PDPR: variants seen among roughly 807,000 people sequenced by gnomAD.
The protein encoded by PDPR is pyruvate dehydrogenase phosphatase regulatory subunit.
A neutral mutation model predicts 102.2 loss-of-function variants in PDPR; 50 were observed. The observed-to-expected ratio is 0.49, with a 90% CI of 0.39 to 0.62. The LOEUF is 0.62. Ranked by LOEUF, PDPR falls within the 20% of genes least tolerant of loss-of-function variation. The pLI is 0.00. For synonymous variants in PDPR, 259 were observed against 406.0 expected (o/e 0.64, Z 4.35); for missense variants, 625 against 1,098.2 (o/e 0.57, Z 6.09).
At chr16:70,121,249 C>G (rs1963236005) in intron 3 of PDPR, among the ~76,000 whole-genome samples, 1 of 151,814 alleles carries the variant, frequency 6.6e-6, no homozygotes, top group African/African-American at 2.4e-5. Flanking sequence ...CTGTGCTCGC[C>G]TTCTTTTAGG....
chr16:70,157,299 ATTAG>A lies in PDPR; in HGVS notation c.*423_*426del, dbSNP rs1489017930. ...GGGTTCCATTTTCTTGGAGCAGCCT[ATTAG>A]TTCTGGTGGGGTTGCCGTGTGTCGG... is the stretch of plus-strand genomic sequence containing the variant. On this transcript the variant is annotated 3_prime_UTR_variant, in exon 19 of 19. Transcript: ENST00000288050. The A allele has an allele frequency of 4.6e-6, 2 of 434,896 alleles. No individual in the cohort carries two copies. Among genetic ancestry groups the A allele is most frequent in the Non-Finnish European group, 9.1e-6 (2 of 220,728 alleles). 26.9% of individuals were successfully genotyped at this position (434,896 alleles called of 1,614,324 possible). A position where few individuals can be genotyped will look rare whatever the true frequency, so the allele number is the denominator to read the frequency against.
Position 70,162,262 on chromosome 16 carries a change from T to G in PDPR, c.*5383T>G, listed in dbSNP as rs1220305362. ...TGTAACTACTGTAGAGTCCTGTGAC[T>G]CATCGTTTGTGTTTGTCAATTTGCA... On this transcript the variant is annotated 3_prime_UTR_variant, in exon 19 of 19. Coordinates refer to ENST00000288050, the MANE Select transcript of PDPR (RefSeq NM_017990.5). 5 of 152,676 alleles carry G rather than the reference T, an allele frequency of 3.3e-5. No homozygotes were observed. The highest frequency in any genetic ancestry group is 1.2e-4 in the African/African-American group (5 of 41,482). 9.5% of individuals were successfully genotyped at this position (152,676 alleles called of 1,614,324 possible). A position where few individuals can be genotyped will look rare whatever the true frequency, so the allele number is the denominator to read the frequency against.
At chr16:70,131,926 C>G (rs566138561) in intron 8 of PDPR, 7 of 1,482,954 alleles carry the variant, frequency 4.7e-6, no homozygotes, top group Non-Finnish European at 6.3e-6. Flanking sequence ...AAGGGATAAT[C>G]AGAGAAACAG....
At chr16:70,163,403 A>G (rs1967942282), downstream of PDPR, among the ~76,000 whole-genome samples, 1 of 152,162 alleles carries the variant, frequency 6.6e-6, no homozygotes, top group African/African-American at 2.4e-5. Flanking sequence ...GAAACCTGGG[A>G]CTCACCTGGT....
At chr16:70,113,918 G>T (rs1427772778), upstream of PDPR, 1 of 150,940 alleles carries the variant, frequency 6.6e-6, no homozygotes, top group Non-Finnish European at 1.5e-5. Flanking sequence ...CCCCGGGACT[G>T]CTTGGCTTAG....
chr16:70,145,362 T>G lies in PDPR; in HGVS notation c.1868-772T>G, dbSNP rs566926790. ...CATGTTGGCCAGGCTGGTCTTGAAC[T>G]CTTGACCTCGTGATCCACCTGCTTC... is the stretch of plus-strand genomic sequence containing the variant. On this transcript the variant is annotated intron_variant, in intron 15 of 18. Transcript: ENST00000288050. Among the ~76,000 whole-genome samples the G allele has an allele frequency of 3.8e-4, 58 of 152,362 alleles. No individual in the cohort carries two copies. In the East Asian group the frequency reaches 0.01, roughly 28 times the overall value.
intron 17 of PDPR, among the ~76,000 whole-genome samples, chr16:70,150,509 T>G (rs1261014704): frequency 6.6e-6 from 1 of 151,662 alleles, no homozygotes; most frequent in Non-Finnish European, 1.5e-5. Flanking sequence ...TCATACTACT[T>G]GTAGTGATAG....
At chr16:70,119,838 C>T (rs1963032732) in intron 2 of PDPR, among the ~76,000 whole-genome samples, 1 of 150,784 alleles carries the variant, frequency 6.6e-6, no homozygotes, top group African/African-American at 2.5e-5. Context: ...GGGACTTCCC[C>T]ATTCTTGTTC....
At chr16:70,152,572 G>T (rs370342096) in intron 17 of PDPR, among the ~76,000 whole-genome samples, 52 of 152,384 alleles carry the variant, frequency 3.4e-4, no homozygotes, top group African/African-American at 1.0e-3. Context: ...TTTGGTAGAT[G>T]CCTGTTCAGC....
intron 2 of PDPR, 165 bp from the exon 3 acceptor site, chr16:70,120,296 C>A: frequency 1.8e-6 from 1 of 543,102 alleles, no homozygotes; most frequent in South Asian, 2.0e-5. Flanking sequence ...GTGATCCGCC[C>A]GCCTTGGCCT....
intron 9 of PDPR, among the ~76,000 whole-genome samples, chr16:70,132,658 T>C (rs1181615875): frequency 2.6e-5 from 4 of 150,952 alleles, no homozygotes; most frequent in Admixed American, 1.3e-4. Flanking sequence ...TTTTTTTTTT[T>C]CTTCTTTTTG....
chr16:70,138,038 C>CTTTTTTT (rs200071207), intron 10 of PDPR, among the ~76,000 whole-genome samples: 5 of 118,362 alleles, frequency 4.2e-5, no homozygotes, highest in African/African-American at 1.0e-4. Context: ...ATACCCAGCT[C>CTTTTTTT]TTTTTTTTTT....
intron 18 of PDPR, chr16:70,156,198 C>T (rs1267682822): frequency 8.3e-6 from 4 of 483,830 alleles, no homozygotes; most frequent in East Asian, 3.9e-5. Context: ...TCTTCCTAAA[C>T]GTTTTTGTTC....
At chr16:70,144,828 A>G (rs1227006666) in intron 15 of PDPR, among the ~76,000 whole-genome samples, 9 of 152,284 alleles carry the variant, frequency 5.9e-5, no homozygotes, top group South Asian at 2.1e-4. Context: ...GGTGGCACAC[A>G]CCTGTAATCC....
chr16:70,125,398 A>AAACC (rs56891998), intron 3 of PDPR, among the ~76,000 whole-genome samples: 7,468 of 146,414 alleles, frequency 0.051, 223 homozygotes, highest in African/African-American at 0.18. Flanking sequence ...AAACAAAAAA[A>AAACC]CAAAAATTAG....
intron 3 of PDPR, among the ~76,000 whole-genome samples, chr16:70,125,690 A>G (rs1227551073): frequency 1.2e-4 from 18 of 151,196 alleles, no homozygotes; most frequent in African/African-American, 4.1e-4. Flanking sequence ...GCTGTAGTGC[A>G]GTGGTGCAGC....
At chr16:70,130,149 C>A (rs1220142319) in intron 6 of PDPR, among the ~76,000 whole-genome samples, 29 of 152,236 alleles carry the variant, frequency 1.9e-4, no homozygotes, top group African/African-American at 5.8e-4. Flanking sequence ...TAAAATTAGC[C>A]GGGCATGGTG....
In PDPR at chr16:70,129,835, G is replaced by A. The variant is rs1302617719; in HGVS notation, c.608-588G>A. On this transcript the variant is annotated intron_variant, in intron 6 of 18. Transcript: ENST00000288050. ...GTATGAGCAGGTTAGCACTTAAGGCGCACTATTTACATCCTCTCCTCTCTG... is the reference window on the plus strand; with the variant it reads ...GTATGAGCAGGTTAGCACTTAAGGCACACTATTTACATCCTCTCCTCTCTG... Among the ~76,000 whole-genome samples, 9 of 152,388 alleles carry A rather than the reference G, an allele frequency of 5.9e-5. No individual in the cohort carries two copies. The South Asian group carries it at 8.3e-4, about 14-fold the overall frequency.
Position 70,142,405 on chromosome 16 carries a change from C to T in PDPR, c.1471+16C>T. The T allele has an allele frequency of 1.2e-6, 2 of 1,612,732 alleles. No homozygotes were observed. Among genetic ancestry groups the T allele is most frequent in the Non-Finnish European group, 1.7e-6 (2 of 1,179,688 alleles). On this transcript the variant is annotated intron_variant, in intron 12 of 18. Transcript: ENST00000288050. ...CCCGACAAGGGTAAGAAGTCACATTCTCATTTTTGCTTCTTTTTTTTTTTT... is the reference window on the plus strand; with the variant it reads ...CCCGACAAGGGTAAGAAGTCACATTTTCATTTTTGCTTCTTTTTTTTTTTT...
Sources: allele counts gnomAD v4.1 joint callset (sites outside exome capture counted in the v4.1 genomes callset), GRCh38; gene constraint gnomAD v4.1.1; transcripts MANE v1.5; gene names NCBI Gene and HGNC (gene_info 2026-07-23, HGNC 2026-07-21).